CASP6: variants seen among roughly 807,000 people sequenced by gnomAD.
The protein encoded by CASP6 is caspase-6.
Under a neutral mutation model 31.8 loss-of-function variants are expected in CASP6, and 20 were observed. The ratio of observed to expected loss-of-function variants is 0.63; its 90% CI spans 0.44 to 0.91. CASP6 has a LOEUF of 0.91. Among genes scored for constraint, CASP6 ranks in the 40% least tolerant of loss-of-function variants. The pLI is 0.00. For synonymous variants in CASP6, 130 were observed against 127.8 expected, an observed-to-expected ratio of 1.02 and a Z score of -0.12; for missense variants, 328 against 361.1, an observed-to-expected ratio of 0.91 and a Z score of 0.74.
chr4:109,691,991 T>C (rs974706799), intron 5 of CASP6: 9 of 152,236 alleles, frequency 5.9e-5, no homozygotes, highest in Admixed American at 4.6e-4. Flanking sequence ...CAGTCTGTGG[T>C]ACTTTGTTAT....
the CASP6 span, among the ~76,000 whole-genome samples, chr4:109,669,231 C>T: frequency 6.6e-6 from 1 of 152,230 alleles, no homozygotes; most frequent in African/African-American, 2.4e-5. Context: ...CAAATTCACT[C>T]AATTTTTGTT....
At chr4:109,695,060 C>T (rs1309179312) in intron 4 of CASP6, among the ~76,000 whole-genome samples, 2 of 152,056 alleles carry the variant, frequency 1.3e-5, no homozygotes, top group African/African-American at 2.4e-5. Flanking sequence ...GAACTCCTGA[C>T]CTCAGGTGAT....
chr4:109,692,557 ATTAT>A (rs1350577202), intron 5 of CASP6: 1 of 152,078 alleles, frequency 6.6e-6, no homozygotes, highest in African/African-American at 2.4e-5. Context: ...CAATCATGTC[ATTAT>A]TTGTTTCTTG....
In CASP6 at chr4:109,690,957, T is replaced by C; in HGVS notation, c.536A>G (p.Asp179Gly). Reference protein sequence around the residue: ...DVPVIPLDVVDNQTEKLDTNI... With the variant: ...DVPVIPLDVVGNQTEKLDTNI... ...GGTGTCCAACTTCTCTGTCTGATTA[T>C]CTACTACATCCAAAGGAATGACTGG... Residue 179 changes from aspartate to glycine, a missense_variant, in exon 6 of 7, where the codon GAT (aspartate) becomes GGT (glycine). Physicochemically the swap from Asp to Gly is moderately conservative, Grantham distance 94. Transcript: ENST00000265164. 1 of 1,613,980 alleles carries C rather than the reference T, an allele frequency of 6.2e-7. No individual in the cohort carries two copies. Among genetic ancestry groups the C allele is most frequent in the Non-Finnish European group, 8.5e-7 (1 of 1,179,930 alleles).
At chr4:109,698,384 T>C (rs372445568) in intron 1 of CASP6, 42 bp from the exon 2 acceptor site, 18 of 1,558,430 alleles carry the variant, frequency 1.2e-5, no homozygotes, top group East Asian at 2.2e-5. Flanking sequence ...TTTTTACTTA[T>C]GGCAGTAAAA....
At chr4:109,681,157 T>C in the CASP6 span, among the ~76,000 whole-genome samples, 5 of 152,340 alleles carry the variant, frequency 3.3e-5, no homozygotes, top group East Asian at 9.6e-4. Flanking sequence ...CATAGACACA[T>C]GGGAGGTATC....
chr4:109,705,398 G>C (rs886445603), upstream of CASP6, among the ~76,000 whole-genome samples: 3 of 152,240 alleles, frequency 2.0e-5, no homozygotes, highest in Non-Finnish European at 2.9e-5. Context: ...GAGATGTACA[G>C]AGACTGATGC....
intron 1 of CASP6, among the ~76,000 whole-genome samples, chr4:109,701,162 A>G (rs2126161319): frequency 6.6e-6 from 1 of 151,780 alleles, no homozygotes; most frequent in East Asian, 1.9e-4. Flanking sequence ...GGGTTTTGCT[A>G]TGTTGTCCTG....
At chr4:109,696,786 T>G (rs1001483664) in intron 3 of CASP6, among the ~76,000 whole-genome samples, 1 of 148,746 alleles carries the variant, frequency 6.7e-6, no homozygotes, top group African/African-American at 2.5e-5. Flanking sequence ...GGCAAGTTTT[T>G]TTTTTTTTTT....
intron 3 of CASP6, among the ~76,000 whole-genome samples, chr4:109,696,699 T>G (rs1206020536): frequency 6.6e-6 from 1 of 152,174 alleles, no homozygotes; most frequent in Non-Finnish European, 1.5e-5. Context: ...TAGAGTGTTG[T>G]TGTCTACTAT....
downstream of CASP6, chr4:109,684,394 T>C (rs776739474): frequency 3.5e-6 from 5 of 1,443,330 alleles, no homozygotes; most frequent in Non-Finnish European, 2.8e-6. Flanking sequence ...TTTGTCCCTT[T>C]AGTTGGTGTA....
At chr4:109,707,736 A>G (rs956581231), upstream of CASP6, among the ~76,000 whole-genome samples, 2 of 152,250 alleles carry the variant, frequency 1.3e-5, no homozygotes, top group Middle Eastern at 3.4e-3. Context: ...TCAGGGACAG[A>G]ACCATGCAGA....
rs761730345 is a variant in CASP6, at chr4:109,691,003, G to A, written c.490C>T (p.Arg164Trp). 5.7e-5 allele frequency: 92 copies of A among 1,609,440 alleles called. No individual in the cohort carries two copies. The highest frequency in any genetic ancestry group is 9.4e-5 in the African/African-American group (7 of 74,712). Residue 164 changes from arginine to tryptophan, a missense_variant, in exon 6 of 7, where the codon CGG becomes TGG. By Grantham distance (101) the Arg-to-Trp change is moderately radical. Transcript: ENST00000265164. ...ACTGGCACATCGTGCTGGTTTCCCCGACATGCCTACAAGACAAGGAGGAAA... is the reference window on the plus strand; with the variant it reads ...ACTGGCACATCGTGCTGGTTTCCCCAACATGCCTACAAGACAAGGAGGAAA... Reference protein sequence around the residue: ...KPKIFIIQACRGNQHDVPVIP... With the variant: ...KPKIFIIQACWGNQHDVPVIP...
Position 109,691,121 on chromosome 4 carries a change from TTC to T in CASP6, c.484-114_484-113del. On this transcript the variant is annotated intron_variant, in intron 5 of 6. Transcript: ENST00000265164. ...CCCCTTCATTACAACAGAAACCACA[TTC>T]TGAGCAGTTCAGAAGCAATACATTC... 3.5e-6 allele frequency: 4 copies of T among 1,147,242 alleles called. 1 individual carries two copies. In the East Asian group the frequency reaches 1.1e-4, roughly 32 times the overall value. 71.1% of individuals were successfully genotyped at this position (1,147,242 alleles called of 1,614,324 possible). A position where few individuals can be genotyped will look rare whatever the true frequency, so the allele number is the denominator to read the frequency against.
downstream of CASP6, among the ~76,000 whole-genome samples, chr4:109,686,139 T>G (rs1410334931): frequency 6.6e-6 from 1 of 152,130 alleles, no homozygotes; most frequent in Non-Finnish European, 1.5e-5. Context: ...TTGAAGGACG[T>G]TTTAATTTAA....
rs1729916264 is a variant in CASP6 at position 109,688,666 on chromosome 4, T to G, written c.*664A>C. ...TTTTATTAAGGGATGATTTAATTCC[T>G]GGATTTCAAAAACCTTTAAAAACAT... is the stretch of plus-strand genomic sequence containing the variant. On this transcript the variant is annotated 3_prime_UTR_variant, in exon 7 of 7. Transcript: ENST00000265164. 1 of 152,210 alleles carries G rather than the reference T, an allele frequency of 6.6e-6. No individual in the cohort carries two copies. Among genetic ancestry groups the G allele is most frequent in the Non-Finnish European group, 1.5e-5 (1 of 68,036 alleles). 9.4% of individuals were successfully genotyped at this position (152,210 alleles called of 1,614,324 possible). A position where few individuals can be genotyped will look rare whatever the true frequency, so the allele number is the denominator to read the frequency against.
chr4:109,677,802 ATTTTTTTTTTTTTTTTT>A, the CASP6 span, among the ~76,000 whole-genome samples: 1 of 86,606 alleles, frequency 1.2e-5, no homozygotes, highest in African/African-American at 4.7e-5. Context: ...AAGGAAACAA[ATTTTTTTTTTTTTTTTT>A]TTTTTTTTTT....
the CASP6 span, among the ~76,000 whole-genome samples, chr4:109,676,187 G>A: frequency 2.6e-5 from 4 of 152,116 alleles, no homozygotes; most frequent in African/African-American, 9.7e-5. Context: ...ATAGCTGTAG[G>A]AAGTCTAAAA....
chr4:109,691,678 C>A (rs1247060750), intron 5 of CASP6, among the ~76,000 whole-genome samples: 3 of 152,164 alleles, frequency 2.0e-5, no homozygotes, highest in Non-Finnish European at 4.4e-5. Context: ...CCCAAAAATT[C>A]ATATGTTGAA....
Sources: allele counts gnomAD v4.1 joint callset (sites outside exome capture counted in the v4.1 genomes callset), GRCh38; gene constraint gnomAD v4.1.1; transcripts MANE v1.5; gene names NCBI Gene and HGNC (gene_info 2026-07-23, HGNC 2026-07-21).